Variants in BOP1 observed in about 807,000 individuals in gnomAD.
BOP1 encodes the protein BOP1 ribosomal biogenesis factor, also known as ribosome biogenesis protein BOP1.
Under a neutral mutation model 82.9 loss-of-function variants are expected in BOP1, and 54 were observed. The observed-to-expected ratio is 0.65, with a 90% CI of 0.52 to 0.82. BOP1 has a LOEUF of 0.82. Among genes scored for constraint, BOP1 ranks in the 40% least tolerant of loss-of-function variants. The probability of loss-of-function intolerance (pLI) is 0.00; values close to 1 mark genes in which losing one functional copy is unlikely to be tolerated. For synonymous variants in BOP1, 566 were observed against 451.1 expected, an observed-to-expected ratio of 1.25 and a Z score of -3.23; for missense variants, 1,170 against 1,072.0, an observed-to-expected ratio of 1.09 and a Z score of -1.28.
intron 3 of BOP1, chr8:144,266,796 C>T (rs1845379884): frequency 2.7e-6 from 3 of 1,103,932 alleles, no homozygotes; most frequent in Non-Finnish European, 3.3e-6. Context: ...GCCGGCGGGC[C>T]GGGGGCGGGG....
chr8:144,278,509 C>T (rs1411900432), intron 2 of BOP1, among the ~76,000 whole-genome samples: 7 of 152,266 alleles, frequency 4.6e-5, no homozygotes, highest in African/African-American at 1.7e-4. Context: ...GCTCTGCCCT[C>T]ACCTCCTGGG....
intron 3 of BOP1, 143 bp from the exon 4 acceptor site, chr8:144,265,214 G>T (rs891853546): frequency 5.3e-6 from 5 of 946,176 alleles, no homozygotes; most frequent in African/African-American, 1.6e-5. Flanking sequence ...CCTGACCTAC[G>T]CCTGTTCCCC....
chr8:144,269,554 G>T (rs1363308138), intron 3 of BOP1, among the ~76,000 whole-genome samples: 1 of 152,232 alleles, frequency 6.6e-6, no homozygotes, highest in Non-Finnish European at 1.5e-5. Context: ...GCCATTAAGG[G>T]CTAGAGGGGG....
chr8:144,277,758 G>A (rs1020480090), intron 2 of BOP1, among the ~76,000 whole-genome samples: 3 of 144,506 alleles, frequency 2.1e-5, no homozygotes, highest in African/African-American at 2.6e-5. Flanking sequence ...CCACCAGGGG[G>A]CGACGGCGCT....
At chr8:144,288,936 C>T (rs868968101) in intron 2 of BOP1, among the ~76,000 whole-genome samples, 159 bp downstream of exon 2, 2 of 152,360 alleles carry the variant, frequency 1.3e-5, no homozygotes, top group African/African-American at 2.4e-5. Context: ...TGGAAACCAG[C>T]GTCCTAGAGC....
Position 144,289,112 on chromosome 8 carries a change from T to C in BOP1, c.292A>G (p.Thr98Ala). ...DEGHSGIKKT[T>A]EEQVQASTPC... The stretch of plus-strand genomic sequence containing the variant: ...TCACCCACCTGCACCTGCTCCTCAG[T>C]GGTCTTTTTAATCCCACTGTGGCCC... The change falls in exon 2 of 16, where the codon ACT (threonine) becomes GCT (alanine). Residue 98 changes from threonine to alanine, a missense_variant. Physicochemically the swap from Thr to Ala is moderately conservative, Grantham distance 58 (BLOSUM62 0). Coordinates refer to ENST00000569669, the MANE Select transcript of BOP1 (RefSeq NM_015201.5). 6.2e-7 allele frequency: 1 copy of C among 1,614,114 alleles called. No homozygotes were observed.
intron 2 of BOP1, among the ~76,000 whole-genome samples, chr8:144,282,506 G>A (rs1554839048): frequency 6.6e-6 from 1 of 152,104 alleles, no homozygotes; most frequent in African/African-American, 2.4e-5. Flanking sequence ...CCAGAAAGAG[G>A]GGTCACTGTA....
Position 144,262,214 on chromosome 8 carries a change from G to C in BOP1, c.2191C>G (p.Pro731Ala). The C allele has an allele frequency of 6.2e-7, 1 of 1,612,726 alleles. No homozygotes were observed. Among genetic ancestry groups the C allele is most frequent in the Non-Finnish European group, 8.5e-7 (1 of 1,179,808 alleles). The change falls in exon 16 of 16, where the codon CCG becomes GCG. Residue 731 changes from proline (P) to alanine (A), a missense_variant. Coordinates refer to ENST00000569669, the MANE Select transcript of BOP1 (RefSeq NM_015201.5). Reference protein sequence around the residue: ...VLDVIFHPTQPWVFSSGADGT... With the variant: ...VLDVIFHPTQAWVFSSGADGT... ...TCTGCCCCCGAGGAGAAGACCCACG[G>C]CTGGGTGGGGTGGAAGATGACGTCC...
chr8:144,270,121 C>G (rs1408359875), intron 3 of BOP1, among the ~76,000 whole-genome samples: 4 of 152,176 alleles, frequency 2.6e-5, no homozygotes, highest in African/African-American at 7.2e-5. Context: ...TAGTGAAAGT[C>G]TCCAGGGCAG....
chr8:144,283,835 T>C (rs879999973), intron 2 of BOP1, among the ~76,000 whole-genome samples: 4 of 151,058 alleles, frequency 2.6e-5, no homozygotes, highest in Non-Finnish European at 5.9e-5. Flanking sequence ...AATGCATTGA[T>C]GGCCAGGTGC....
At chr8:144,286,971 C>G (rs1376054961) in intron 2 of BOP1, among the ~76,000 whole-genome samples, 1 of 152,230 alleles carries the variant, frequency 6.6e-6, no homozygotes, top group Non-Finnish European at 1.5e-5. Context: ...GCAGACACCT[C>G]TAGTACCTTT....
rs1845463536 is a variant in BOP1, at chr8:144,269,868, G to C, written c.391-4797C>G. On this transcript the variant is annotated intron_variant, in intron 3 of 15. Coordinates refer to ENST00000569669, the MANE Select transcript of BOP1 (RefSeq NM_015201.5). Reference sequence around the variant, plus strand: ...CCAAGGCGCTGGTGAGTGAGGAGCAGGGTGGACCCAGGAGCATGGCCAGGC... The same window carrying C: ...CCAAGGCGCTGGTGAGTGAGGAGCACGGTGGACCCAGGAGCATGGCCAGGC... 4.6e-5 allele frequency among the ~76,000 whole-genome samples: 7 copies of C among 152,322 alleles called. No individual in the cohort carries two copies. The South Asian group carries it at 1.4e-3, about 32-fold the overall frequency.
intron 3 of BOP1, chr8:144,267,007 C>A (rs1383219290): frequency 5.2e-6 from 8 of 1,539,458 alleles, no homozygotes; most frequent in Non-Finnish European, 6.1e-6. Context: ...CAACGTGCTG[C>A]TGGCGGGCGA....
chr8:144,278,588 CA>C (rs1554838582), intron 2 of BOP1, among the ~76,000 whole-genome samples: 1 of 152,228 alleles, frequency 6.6e-6, no homozygotes, highest in East Asian at 1.9e-4. Flanking sequence ...GGGCTGCCCA[CA>C]AGAGGGTTCT....
At position 144,276,316 on chromosome 8, in the gene BOP1, G is replaced by C; in HGVS notation, c.310-12C>G. On this transcript the variant is annotated splice_polypyrimidine_tract_variant and intron_variant, in intron 2 of 15. Coordinates refer to ENST00000569669, the MANE Select transcript of BOP1 (RefSeq NM_015201.5). Reference sequence around the variant, plus strand: ...CAAGGAGTGCTGGCCTGCAGAGAGAGAGAGAAAATGGTCACTTCAGGGGAT... The same window carrying C: ...CAAGGAGTGCTGGCCTGCAGAGAGACAGAGAAAATGGTCACTTCAGGGGAT... 1 of 1,612,410 alleles carries C rather than the reference G, an allele frequency of 6.2e-7. No homozygotes were observed.
At chr8:144,265,384 G>A (rs987961630) in intron 3 of BOP1, 1 of 517,430 alleles carries the variant, frequency 1.9e-6, no homozygotes, top group East Asian at 3.4e-5. Flanking sequence ...CCACAGACAG[G>A]GATGACCTCA....
At chr8:144,269,402 G>A (rs907716271) in intron 3 of BOP1, among the ~76,000 whole-genome samples, 25 of 152,286 alleles carry the variant, frequency 1.6e-4, no homozygotes, top group African/African-American at 5.3e-4. Context: ...ACGCACCCTC[G>A]GGGGGAGACC....
chr8:144,263,217 G>GTACC lies in BOP1; in HGVS notation c.1605_1605+3dup. The GTACC allele has an allele frequency of 6.3e-7, 1 of 1,594,502 alleles. No homozygotes were observed. The highest frequency in any genetic ancestry group is 8.5e-7 in the Non-Finnish European group (1 of 1,179,000). ...CAGCCTCACCCCCAAGGCGCCCCAC[G>GTACC]TACCTTCCCGTGGCAGATGCGCAGC... On this transcript the variant is annotated splice_donor_region_variant and intron_variant, in intron 12 of 15. Transcript: ENST00000569669.
At chr8:144,285,252 G>A (rs1306327118) in intron 2 of BOP1, among the ~76,000 whole-genome samples, 1 of 152,204 alleles carries the variant, frequency 6.6e-6, no homozygotes, top group Admixed American at 6.5e-5. Flanking sequence ...GCCTGACTTC[G>A]TGTGTCCCTG....
Sources: gnomAD v4.1 joint callset for allele counts (sites outside exome capture counted in the v4.1 genomes callset) on GRCh38, gnomAD v4.1.1 for gene constraint, MANE v1.5 for transcripts, NCBI Gene and HGNC (gene_info 2026-07-23, HGNC 2026-07-21) for gene names.